Variants in VRK2 observed in about 807,000 individuals in gnomAD.
VRK2 encodes serine/threonine-protein kinase VRK2.
Under a neutral mutation model 57.6 loss-of-function variants are expected in VRK2, and 60 were observed. The ratio of observed to expected loss-of-function variants is 1.04; its 90% CI spans 0.85 to 1.29. The LOEUF is 1.29. VRK2 is among the 50% of genes most tolerant of loss of function. The pLI, the probability that VRK2 is intolerant of heterozygous loss-of-function variation, is 0.00. For missense variants in VRK2, 705 were observed against 588.1 expected, an observed-to-expected ratio of 1.20 and a Z score of -2.06; for synonymous variants, 231 against 199.2, an observed-to-expected ratio of 1.16 and a Z score of -1.35.
At chr2:58,037,880 G>GA (rs1427016355) in intron 3 of VRK2, among the ~76,000 whole-genome samples, 12 of 151,936 alleles carry the variant, frequency 7.9e-5, no homozygotes, top group Non-Finnish European at 1.6e-4. Context: ...CTAGTAATCA[G>GA]AAAAATAAAA....
intron 1 of VRK2, among the ~76,000 whole-genome samples, chr2:57,994,149 A>G (rs547526495): frequency 6.6e-6 from 1 of 152,336 alleles, no homozygotes; most frequent in East Asian, 1.9e-4. Context: ...GAGTTTCTTA[A>G]AGAAAACTTT....
intron 1 of VRK2, among the ~76,000 whole-genome samples, chr2:58,004,179 C>A (rs1518399): frequency 2.0e-5 from 3 of 151,886 alleles, no homozygotes; most frequent in Non-Finnish European, 4.4e-5. Context: ...CATACATACA[C>A]GCATACAGCA....
intron 1 of VRK2, among the ~76,000 whole-genome samples, chr2:57,985,132 C>T (rs1672556169): frequency 6.6e-6 from 1 of 151,842 alleles, no homozygotes; most frequent in Non-Finnish European, 1.5e-5. Context: ...GATAAATAGA[C>T]AAATATTGGG....
intron 2 of VRK2, among the ~76,000 whole-genome samples, chr2:58,075,703 C>T (rs1489724419): frequency 6.6e-6 from 1 of 152,128 alleles, no homozygotes; most frequent in Non-Finnish European, 1.5e-5. Context: ...TTCTCAGCTT[C>T]CTGTACCCTA....
At chr2:57,960,413 C>G (rs1387597071) in intron 1 of VRK2, among the ~76,000 whole-genome samples, 1 of 152,158 alleles carries the variant, frequency 6.6e-6, no homozygotes, top group Non-Finnish European at 1.5e-5. Flanking sequence ...ATAAAGCTAG[C>G]AAGATACAGA....
intron 1 of VRK2, among the ~76,000 whole-genome samples, chr2:58,016,890 C>G (rs1247331662): frequency 6.6e-6 from 1 of 152,156 alleles, no homozygotes; most frequent in East Asian, 1.9e-4. Context: ...CAAATACTTT[C>G]ATTTGACTGG....
intron 1 of VRK2, among the ~76,000 whole-genome samples, chr2:57,975,619 T>C (rs780552931): frequency 1.3e-5 from 2 of 151,982 alleles, no homozygotes; most frequent in African/African-American, 2.4e-5. Context: ...TAGCACCCAG[T>C]AGGAAGTTTT....
At chr2:58,140,222 C>T (rs1681126441) in intron 11 of VRK2, among the ~76,000 whole-genome samples, 1 of 151,946 alleles carries the variant, frequency 6.6e-6, no homozygotes. Context: ...TCGATTTAAC[C>T]AGGTTATTTG....
chr2:58,081,209 T>C (rs921476955), intron 2 of VRK2, among the ~76,000 whole-genome samples: 3 of 152,030 alleles, frequency 2.0e-5, no homozygotes, highest in African/African-American at 7.2e-5. Context: ...CATGTAATAC[T>C]ATCAGCTATG....
intron 1 of VRK2, among the ~76,000 whole-genome samples, chr2:57,946,110 A>T (rs1257536220): frequency 6.6e-6 from 1 of 152,118 alleles, no homozygotes; most frequent in Non-Finnish European, 1.5e-5. Context: ...TAATTTATTT[A>T]TATCCAAAAT....
chr2:57,961,395 G>T (rs1451747774), intron 1 of VRK2, among the ~76,000 whole-genome samples: 1 of 152,106 alleles, frequency 6.6e-6, no homozygotes, highest in Non-Finnish European at 1.5e-5. Flanking sequence ...AAAAAAGCGA[G>T]AACAGGATGA....
At chr2:57,909,738 T>C (rs1239684161) in intron 1 of VRK2, among the ~76,000 whole-genome samples, 1 of 152,200 alleles carries the variant, frequency 6.6e-6, no homozygotes, top group Non-Finnish European at 1.5e-5. Context: ...ATAATTTGTT[T>C]AATAAATTCC....
At chr2:58,010,461 C>T (rs1425124297) in intron 1 of VRK2, among the ~76,000 whole-genome samples, 3 of 151,972 alleles carry the variant, frequency 2.0e-5, no homozygotes, top group African/African-American at 7.3e-5. Context: ...GGGTTAGTGT[C>T]CCCTACTCAC....
At chr2:58,141,446 G>A (rs1231335562) in intron 11 of VRK2, among the ~76,000 whole-genome samples, 1 of 151,760 alleles carries the variant, frequency 6.6e-6, no homozygotes, top group Non-Finnish European at 1.5e-5. Context: ...TTTCCAATGA[G>A]CCTCCATCAA....
At chr2:58,025,065 G>A (rs561284945) in intron 1 of VRK2, among the ~76,000 whole-genome samples, 1 of 152,120 alleles carries the variant, frequency 6.6e-6, no homozygotes, top group Non-Finnish European at 1.5e-5. Context: ...AGCCATCCTT[G>A]TCCTTAATCC....
intron 1 of VRK2, among the ~76,000 whole-genome samples, chr2:57,908,506 T>C (rs2103877044): frequency 6.6e-6 from 1 of 152,114 alleles, no homozygotes; most frequent in South Asian, 2.1e-4. Context: ...CATATATAGA[T>C]GGATGAAAAC....
At chr2:58,070,419 C>G (rs891466116) in intron 2 of VRK2, among the ~76,000 whole-genome samples, 4 of 152,146 alleles carry the variant, frequency 2.6e-5, no homozygotes, top group African/African-American at 4.8e-5. Flanking sequence ...CAGTCTCATA[C>G]AGACTAATTT....
At chr2:58,117,517 T>TG (rs1022140818) in intron 7 of VRK2, among the ~76,000 whole-genome samples, 40 of 152,040 alleles carry the variant, frequency 2.6e-4, no homozygotes, top group African/African-American at 9.2e-4. Context: ...CAGCGACGCT[T>TG]GGGGTTGGGA....
chr2:57,974,420 T>G (rs1329791182), intron 1 of VRK2, among the ~76,000 whole-genome samples: 1 of 151,888 alleles, frequency 6.6e-6, no homozygotes, highest in Non-Finnish European at 1.5e-5. Flanking sequence ...TTTTTATAAA[T>G]TGTCTACGTA....
Sources: gnomAD v4.1 joint callset for allele counts (sites outside exome capture counted in the v4.1 genomes callset) on GRCh38, gnomAD v4.1.1 for gene constraint, MANE v1.5 for transcripts, NCBI Gene and HGNC (gene_info 2026-07-23, HGNC 2026-07-21) for gene names.